Variants in TJAP1 observed in about 807,000 individuals in gnomAD.
TJAP1 encodes the protein tight junction-associated protein 1.
TJAP1 carries 27 observed loss-of-function variants against 42.0 expected under a neutral mutation model. The ratio of observed to expected loss-of-function variants is 0.64; its 90% confidence interval spans 0.47 to 0.89. The LOEUF (loss-of-function observed/expected upper bound fraction) is 0.89, where lower values mean the gene tolerates loss of function less well. Among genes scored for constraint, TJAP1 ranks in the 40% least tolerant of loss-of-function variants. The probability of loss-of-function intolerance (pLI) is 0.00; values close to 1 mark genes in which losing one functional copy is unlikely to be tolerated. For missense variants in TJAP1, 712 were observed against 726.9 expected (o/e 0.98, Z 0.24); for synonymous variants, 257 against 288.4 (o/e 0.89, Z 1.10).
chr6:43,501,891 C>CCACACACACACA (rs550223728), intron 6 of TJAP1, among the ~76,000 whole-genome samples: 28 of 39,080 alleles, frequency 7.2e-4, no homozygotes, highest in Non-Finnish European at 1.1e-3. Context: ...GAATGCGGGG[C>CCACACACACACA]CACACACACA....
chr6:43,482,057 A>G (rs1164142805), intron 2 of TJAP1, among the ~76,000 whole-genome samples: 2 of 152,196 alleles, frequency 1.3e-5, no homozygotes, highest in Non-Finnish European at 2.9e-5. Context: ...TGTCAGACGT[A>G]TCGCTCCCCA....
chr6:43,504,582 C>G, intron 10 of TJAP1, 179 bp from the exon 11 acceptor site: 1 of 811,844 alleles, frequency 1.2e-6, no homozygotes, highest in Non-Finnish European at 2.0e-6. Flanking sequence ...GTCTTCCCCT[C>G]TCCAGGCCTA....
At chr6:43,488,814 A>G (rs1787143766) in intron 2 of TJAP1, among the ~76,000 whole-genome samples, 1 of 152,134 alleles carries the variant, frequency 6.6e-6, no homozygotes, top group African/African-American at 2.4e-5. Flanking sequence ...CTTCATAGTC[A>G]GGCCTTGGCC....
intron 2 of TJAP1, among the ~76,000 whole-genome samples, chr6:43,490,978 G>T (rs1234942484): frequency 1.3e-5 from 2 of 152,178 alleles, no homozygotes. Flanking sequence ...GTTGTTTCCT[G>T]GTGTTCCACA....
chr6:43,481,308 A>G (rs1197658319), intron 2 of TJAP1, among the ~76,000 whole-genome samples: 1 of 151,716 alleles, frequency 6.6e-6, no homozygotes, highest in Non-Finnish European at 1.5e-5. Context: ...TTGAATGGAC[A>G]GACTGACATT....
chr6:43,505,177 A>G lies in TJAP1; in HGVS notation c.996A>G (p.Ile332Met), dbSNP rs1792025428. Reference sequence around the variant, plus strand: ...CACTGTATCCTGGCCGCAGGGTAATAGAGTTCTCTGAGGATAAGGTTCGGA... The same window carrying G: ...CACTGTATCCTGGCCGCAGGGTAATGGAGTTCTCTGAGGATAAGGTTCGGA... Residue 332 changes from isoleucine to methionine, a missense_variant, in exon 11 of 11, where the codon ATA (isoleucine) becomes ATG (methionine). By Grantham distance (10) the Ile-to-Met change is conservative. Around this residue, in one of 3 missense-constraint regions of TJAP1, gnomAD observed 549 missense variants for 528.2 expected, o/e 1.04. Transcript: ENST00000372449. This position sits in a 1 kb window ranked among gnomAD's most constrained non-coding sequence, Gnocchi z 5.5. 1 of 1,614,056 alleles carries G rather than the reference A, an allele frequency of 6.2e-7. No individual in the cohort carries two copies. Among genetic ancestry groups the G allele is most frequent in the Admixed American group, 1.7e-5 (1 of 60,004 alleles).
At chr6:43,500,840 T>G in intron 5 of TJAP1, 68 bp downstream of exon 5, 1 of 1,576,776 alleles carries the variant, frequency 6.3e-7, no homozygotes, top group Non-Finnish European at 8.7e-7. Flanking sequence ...GGCTAGACTG[T>G]TGGTACAGTT....
rs1418092950 is a variant in TJAP1, at chr6:43,492,049, T to G, written c.-121-5832T>G. Among the ~76,000 whole-genome samples the G allele has an allele frequency of 6.6e-6, 1 of 152,178 alleles. No homozygotes were observed. The highest frequency in any genetic ancestry group is 6.5e-5 in the Admixed American group (1 of 15,282). On this transcript the variant is annotated intron_variant, in intron 2 of 10. Transcript: ENST00000372449. This position sits in a 1 kb window ranked among gnomAD's most constrained non-coding sequence, Gnocchi z 4.2. ...GCAGGCTATGACCTTGGGGATTTCT[T>G]GCCCTCTTTTTTTGCAGGGAGGGGT...
At chr6:43,501,927 A>ACACACTCTCT (rs1427610297) in intron 6 of TJAP1, among the ~76,000 whole-genome samples, 2 of 71,596 alleles carry the variant, frequency 2.8e-5, no homozygotes, top group African/African-American at 1.4e-4. Flanking sequence ...ACACACACAC[A>ACACACTCTCT]CTCTCTCTCT....
At position 43,499,163 on chromosome 6, in the gene TJAP1, G is replaced by A. The variant is rs957692518; in HGVS notation, c.99+63G>A. 4 of 1,594,018 alleles carry A rather than the reference G, an allele frequency of 2.5e-6. No homozygotes were observed. The African/African-American group carries it at 4.0e-5, about 16-fold the overall frequency. ...CAAGGCCCCTGAGGCTGGGTGTCTG[G>A]CTGACTTCTCCTGCCTGAGCTTCTG... On this transcript the variant is annotated intron_variant, in intron 4 of 10. Transcript: ENST00000372449.
chr6:43,506,373 G>C (rs1554129672), exon 11 of TJAP1: 1 of 152,764 alleles, frequency 6.5e-6, no homozygotes, highest in Non-Finnish European at 1.5e-5. Flanking sequence ...CTGATTCAGG[G>C]CCCCCTCAGC....
At chr6:43,481,492 C>CG (rs758666073) in intron 2 of TJAP1, among the ~76,000 whole-genome samples, 1 of 136,756 alleles carries the variant, frequency 7.3e-6, no homozygotes, top group Non-Finnish European at 1.6e-5. Flanking sequence ...ACCCCCCCCC[C>CG]AAAAAAAAAC....
chr6:43,479,893 C>T (rs530877515), intron 2 of TJAP1, among the ~76,000 whole-genome samples: 10 of 151,898 alleles, frequency 6.6e-5, no homozygotes, highest in African/African-American at 1.2e-4. Flanking sequence ...TCGCTTGAAC[C>T]TGGGTGGTGG....
intron 2 of TJAP1, among the ~76,000 whole-genome samples, chr6:43,478,895 A>C (rs1784754030): frequency 6.6e-6 from 1 of 152,116 alleles, no homozygotes; most frequent in South Asian, 2.1e-4. Context: ...TATCCTTGAG[A>C]CCCCTAATAT....
Position 43,505,240 on chromosome 6 carries a change from T to C in TJAP1, c.1059T>C (p.Ala353=), listed in dbSNP as rs758084726. ...GCCCCCTGCCCAACTGCACTTACGC[T>C]ACCCGCCAGGCCATTTCCCTGAGCC... The change falls in exon 11 of 11, where the codon GCT becomes GCC. Residue 353 remains alanine (A), a synonymous_variant. Transcript: ENST00000372449. This position sits in a 1 kb window ranked among gnomAD's most constrained non-coding sequence, Gnocchi z 5.5. 9 of 1,613,846 alleles carry C rather than the reference T, an allele frequency of 5.6e-6. No homozygotes were observed. Among genetic ancestry groups the C allele is most frequent in the Middle Eastern group, 1.6e-4 (1 of 6,084 alleles).
At chr6:43,479,221 A>G (rs533355653) in intron 2 of TJAP1, among the ~76,000 whole-genome samples, 1 of 152,336 alleles carries the variant, frequency 6.6e-6, no homozygotes, top group East Asian at 1.9e-4. Flanking sequence ...GCATCGCTTC[A>G]TGGTGGACTA....
rs1217832561 is a variant in TJAP1, at chr6:43,481,489, C to G, written c.-122+3257C>G. Among the ~76,000 whole-genome samples the G allele has an allele frequency of 2.7e-5, 4 of 146,268 alleles. 1 individual carries two copies. Among genetic ancestry groups the G allele is most frequent in the Admixed American group, 2.7e-4 (4 of 14,658 alleles). On this transcript the variant is annotated intron_variant, in intron 2 of 10. Coordinates refer to ENST00000372449, the Ensembl canonical transcript of TJAP1. Reference sequence around the variant, plus strand: ...AAAAAATAGCAAGACATCACCCCCCCCCCAAAAAAAAACTTAACAGTCAAT... The same window carrying G: ...AAAAAATAGCAAGACATCACCCCCCGCCCAAAAAAAAACTTAACAGTCAAT...
intron 2 of TJAP1, among the ~76,000 whole-genome samples, chr6:43,486,053 C>A (rs970555389): frequency 2.6e-5 from 4 of 151,348 alleles, no homozygotes; most frequent in African/African-American, 9.7e-5. Flanking sequence ...CTCACTGCAA[C>A]CTCCGCCTCC....
intron 2 of TJAP1, among the ~76,000 whole-genome samples, chr6:43,486,354 CTTTTT>C (rs1160469279): frequency 9.0e-6 from 1 of 110,766 alleles, no homozygotes; most frequent in African/African-American, 3.6e-5. Flanking sequence ...TTTCCAGTAG[CTTTTT>C]TTTTTTTTTT....
Sources: gnomAD v4.1 joint callset for allele counts (sites outside exome capture counted in the v4.1 genomes callset) on GRCh38, gnomAD v4.1.1 for gene constraint, gnomAD v4.1.1 regional missense constraint, Gnocchi (gnomAD v3.1) non-coding constraint, MANE v1.5 for transcripts, NCBI Gene and HGNC (gene_info 2026-07-23, HGNC 2026-07-21) for gene names.